The following EPHA8 variants were observed in gnomAD, a reference collection of about 807,000 sequenced individuals.
EPHA8 encodes EPH receptor A8, also known as ephrin type-A receptor 8.
Under a neutral mutation model 103.6 loss-of-function variants are expected in EPHA8, and 58 were observed. That is an observed-to-expected ratio of 0.56 (90% CI 0.45 to 0.70). The LOEUF is 0.70. Ranked by LOEUF, EPHA8 falls within the 30% of genes least tolerant of loss-of-function variation. EPHA8 has a pLI of 0.00. For missense variants in EPHA8, 1,304 were observed against 1,395.2 expected (o/e 0.93, Z 1.04); for synonymous variants, 559 against 572.5 (o/e 0.98, Z 0.34).
In EPHA8 at chr1:22,563,877, A is replaced by G. The variant is rs1265293768; in HGVS notation, c.94+148A>G. The stretch of plus-strand genomic sequence containing the variant: ...CCGGGGGGCGGGGTGGCACCGCGGA[A>G]GAGACCCGGGATTAAGGGACAGAGC... On this transcript the variant is annotated intron_variant, in intron 1 of 16. Transcript: ENST00000166244. The surrounding 1 kb of genome is among the most constrained non-coding windows in gnomAD (Gnocchi z 4.4). 1 of 152,764 alleles carries G rather than the reference A, an allele frequency of 6.5e-6. No homozygotes were observed. Among genetic ancestry groups the G allele is most frequent in the Non-Finnish European group, 1.5e-5 (1 of 68,072 alleles). The allele number at this position is 152,764 out of a possible 1,614,324, so 9.5% of individuals were successfully genotyped here. A position where few individuals can be genotyped will look rare whatever the true frequency, so the allele number is the denominator to read the frequency against.
At chr1:22,584,361 G>A (rs1282894632) in intron 3 of EPHA8, among the ~76,000 whole-genome samples, 1 of 152,182 alleles carries the variant, frequency 6.6e-6, no homozygotes, top group Non-Finnish European at 1.5e-5. Context: ...GGAGGGGAGG[G>A]AAAGATGTTG....
In EPHA8 at chr1:22,597,411, C is replaced by T. The variant is rs1641550115; in HGVS notation, c.1865C>T (p.Ala622Val). 7 of 1,613,370 alleles carry T rather than the reference C, an allele frequency of 4.3e-6. No individual in the cohort carries two copies. The highest frequency in any genetic ancestry group is 3.3e-5 in the South Asian group (3 of 91,074). The change falls in exon 10 of 17, where the codon GCG (alanine) becomes GTG (valine). Residue 622 changes from alanine to valine, a missense_variant. By Grantham distance (64) the Ala-to-Val change is moderately conservative (BLOSUM62 0). Coordinates refer to ENST00000166244, the MANE Select transcript of EPHA8 (RefSeq NM_020526.5). This position sits in a 1 kb window ranked among gnomAD's most constrained non-coding sequence, Gnocchi z 4.6. The stretch of plus-strand genomic sequence containing the variant: ...CACACCTACGAGGAGCCAGGCCGGG[C>T]GGGCCGCAGTTTCACTCGGGAGATC... ...EPHTYEEPGR[A>V]GRSFTREIEA...
At chr1:22,585,527 C>A (rs1449633794) in intron 3 of EPHA8, among the ~76,000 whole-genome samples, 1 of 152,224 alleles carries the variant, frequency 6.6e-6, no homozygotes, top group South Asian at 2.1e-4. Flanking sequence ...CTCTCCCTCC[C>A]TCCTAGCAGT....
At chr1:22,568,428 G>C (rs561391422) in intron 1 of EPHA8, among the ~76,000 whole-genome samples, 16 of 152,320 alleles carry the variant, frequency 1.1e-4, no homozygotes, top group Admixed American at 8.5e-4. Context: ...AGCATCCAGG[G>C]ATGGTGGATG....
chr1:22,585,050 T>TGTGTGTGTGTGTGC (rs71020436), intron 3 of EPHA8, among the ~76,000 whole-genome samples: 13 of 93,494 alleles, frequency 1.4e-4, no homozygotes, highest in African/African-American at 4.2e-4. Flanking sequence ...TGTGTGTGTG[T>TGTGTGTGTGTGTGC]GCGCACGCGT....
intron 4 of EPHA8, among the ~76,000 whole-genome samples, chr1:22,587,864 C>G (rs1476173884): frequency 6.6e-6 from 1 of 152,196 alleles, no homozygotes; most frequent in African/African-American, 2.4e-5. Flanking sequence ...CTCCACTGCC[C>G]TGCCCAGATC....
In EPHA8 at chr1:22,576,570, C is replaced by T. The variant is rs762326026; in HGVS notation, c.513C>T (p.Arg171=). ...GTCTCAAGCTCAACACGGAGGTGCG[C>T]AGTGTGGGTCCCCTCAGCAAGCGCG... ...VRRLKLNTEV[R]SVGPLSKRGF... The change falls in exon 3 of 17, where the codon CGC becomes CGT. Residue 171 remains arginine (R), a synonymous_variant. Transcript: ENST00000166244. This position sits in a 1 kb window ranked among gnomAD's most constrained non-coding sequence, Gnocchi z 4.8. 4 of 1,614,184 alleles carry T rather than the reference C, an allele frequency of 2.5e-6. No homozygotes were observed. The highest frequency in any genetic ancestry group is 1.1e-5 in the South Asian group (1 of 91,084).
At chr1:22,601,538 A>G in intron 16 of EPHA8, 65 bp downstream of exon 16, 1 of 1,598,346 alleles carries the variant, frequency 6.3e-7, no homozygotes, top group East Asian at 2.3e-5. Flanking sequence ...CCTGCCGGGG[A>G]GGCTACAGGT....
At chr1:22,599,586 G>A (rs1317871053) in intron 13 of EPHA8, among the ~76,000 whole-genome samples, 1 of 146,982 alleles carries the variant, frequency 6.8e-6, no homozygotes, top group Non-Finnish European at 1.5e-5. Flanking sequence ...GGAAGGAAAG[G>A]AAGGAGGGAG....
In EPHA8 at chr1:22,579,911, C is replaced by T. The variant is rs72651336; in HGVS notation, c.823+3031C>T. ...GAGAGGGACCTTTAGTCCTCATCACCCATCCCCCAGCAGGCAGGCAGGAAA... is the reference window on the plus strand; with the variant it reads ...GAGAGGGACCTTTAGTCCTCATCACTCATCCCCCAGCAGGCAGGCAGGAAA... On this transcript the variant is annotated intron_variant, in intron 3 of 16. Transcript: ENST00000166244. Among the ~76,000 whole-genome samples, 702 of 151,892 alleles carry T rather than the reference C, an allele frequency of 4.6e-3. 5 individuals carry two copies. The highest frequency in any genetic ancestry group is 5.6e-3 in the Non-Finnish European group (380 of 67,996).
In EPHA8 at chr1:22,586,565, C is replaced by T. The variant is rs369018351; in HGVS notation, c.909C>T (p.Ala303=). 139 of 1,613,762 alleles carry T rather than the reference C, an allele frequency of 8.6e-5. No homozygotes were observed. Among genetic ancestry groups the T allele is most frequent in the African/African-American group, 1.1e-4 (8 of 74,914 alleles). ...CCCACAGCCACTCCGCAGCTCCAGC[C>T]GCCCAAGCCTGCCACTGTGACCTCA... ...CPPHSHSAAP[A]AQACHCDLSY... is the part of the protein sequence containing the mutation. The change falls in exon 4 of 17, where the codon GCC becomes GCT. Residue 303 remains alanine, a synonymous_variant. Transcript: ENST00000166244.
intron 3 of EPHA8, among the ~76,000 whole-genome samples, chr1:22,585,984 G>T (rs766161311): frequency 3.3e-5 from 5 of 152,008 alleles, no homozygotes; most frequent in Non-Finnish European, 5.9e-5. Flanking sequence ...CTTTCTAGTC[G>T]CATTCCCAGC....
intron 3 of EPHA8, among the ~76,000 whole-genome samples, chr1:22,585,657 T>TG (rs891597771): frequency 6.6e-6 from 1 of 151,762 alleles, no homozygotes; most frequent in Non-Finnish European, 1.5e-5. Flanking sequence ...GGCAGCTGGG[T>TG]GGGGGGAGGC....
intron 3 of EPHA8, among the ~76,000 whole-genome samples, chr1:22,586,181 A>C (rs1466240602): frequency 2.6e-5 from 4 of 152,004 alleles, no homozygotes; most frequent in African/African-American, 4.8e-5. Context: ...CAATTAGAGG[A>C]GGGCTGGGGA....
chr1:22,601,714 C>T lies in EPHA8; in HGVS notation c.2991C>T (p.Ser997=), dbSNP rs1271219727. 5.7e-6 allele frequency: 9 copies of T among 1,568,524 alleles called. No homozygotes were observed. In the Admixed American group the frequency reaches 1.6e-4, roughly 28 times the overall value. The change falls in exon 17 of 17, where the codon AGC becomes AGT. Residue 997 remains serine, a synonymous_variant. Coordinates refer to ENST00000166244, the MANE Select transcript of EPHA8 (RefSeq NM_020526.5). ...AGACCATGCGGGCCCAGCTGACCAG[C>T]ACCCAGGGGCCCCGCCGGCACCTCT... ...SIQTMRAQLT[S]TQGPRRHL
At position 22,569,918 on chromosome 1, in the gene EPHA8, G is replaced by A. The variant is rs938543035; in HGVS notation, c.159+565G>A. On this transcript the variant is annotated intron_variant, in intron 2 of 16. Coordinates refer to ENST00000166244, the MANE Select transcript of EPHA8 (RefSeq NM_020526.5). This position sits in a 1 kb window ranked among gnomAD's most constrained non-coding sequence, Gnocchi z 4.5. Reference sequence around the variant, plus strand: ...TCTGCTTCTCTTCTCTGAATCCTGCGGGGGCAGGGCAGTAGAGTAGGAGTG... The same window carrying A: ...TCTGCTTCTCTTCTCTGAATCCTGCAGGGGCAGGGCAGTAGAGTAGGAGTG... Among the ~76,000 whole-genome samples, 1 of 152,142 alleles carries A rather than the reference G, an allele frequency of 6.6e-6. No homozygotes were observed. The highest frequency in any genetic ancestry group is 1.5e-5 in the Non-Finnish European group (1 of 68,028).
chr1:22,571,952 G>A (rs906377339), intron 2 of EPHA8, among the ~76,000 whole-genome samples: 1 of 152,122 alleles, frequency 6.6e-6, no homozygotes, highest in African/African-American at 2.4e-5. Context: ...TAGGAGGATC[G>A]CTTGAGCCTG....
chr1:22,589,136 C>G lies in EPHA8; in HGVS notation c.1245C>G (p.Val415=). The change falls in exon 5 of 17, where the codon GTC becomes GTG. Residue 415 remains valine (V), a synonymous_variant. Coordinates refer to ENST00000166244, the MANE Select transcript of EPHA8 (RefSeq NM_020526.5). This position sits in a 1 kb window ranked among gnomAD's most constrained non-coding sequence, Gnocchi z 4.3. Reference sequence around the variant, plus strand: ...ACTACTCCTTCTGGATCGAGGCCGTCAATGGCGTGTCCGACCTGAGCCCCG... The same window carrying G: ...ACTACTCCTTCTGGATCGAGGCCGTGAATGGCGTGTCCGACCTGAGCCCCG... ...HMNYSFWIEA[V]NGVSDLSPEP... is the part of the protein sequence containing the mutation. 1.2e-6 allele frequency: 2 copies of G among 1,613,912 alleles called. No individual in the cohort carries two copies. The highest frequency in any genetic ancestry group is 1.7e-6 in the Non-Finnish European group (2 of 1,179,996).
chr1:22,585,052 C>CGCGCGCGCGCGT lies in EPHA8; in HGVS notation c.824-1426_824-1425insGCGCGCGCGTGC, dbSNP rs147149954. ...CTGTGTGTGTGTGTGTGTGTGTGTG[C>CGCGCGCGCGCGT]GCACGCGTGTGTCTAGAGTTCCAGA... is the stretch of plus-strand genomic sequence containing the variant. On this transcript the variant is annotated intron_variant, in intron 3 of 16. Transcript: ENST00000166244. Among the ~76,000 whole-genome samples the CGCGCGCGCGCGT allele has an allele frequency of 9.3e-3, 1,345 of 144,460 alleles. 12 individuals carry two copies. Among genetic ancestry groups the CGCGCGCGCGCGT allele is most frequent in the African/African-American group, 0.014 (531 of 37,102 alleles). The allele number at this position is 144,460 out of a possible 152,430, so 94.8% of individuals were successfully genotyped here.
Sources: gnomAD v4.1 joint callset for allele counts (sites outside exome capture counted in the v4.1 genomes callset) on GRCh38, gnomAD v4.1.1 for gene constraint, Gnocchi (gnomAD v3.1) non-coding constraint, MANE v1.5 for transcripts, NCBI Gene and HGNC (gene_info 2026-07-23, HGNC 2026-07-21) for gene names.